Variants in AGAP1 observed in about 807,000 individuals in gnomAD.
AGAP1 encodes ArfGAP with GTPase domain, ankyrin repeat and PH domain 1.
In AGAP1, 29 loss-of-function variants were observed where a neutral mutation model predicts 105.3. That is an observed-to-expected ratio of 0.28 (90% CI 0.21 to 0.38). The LOEUF (loss-of-function observed/expected upper bound fraction) is 0.38, where lower values mean the gene tolerates loss of function less well. Ranked by LOEUF, AGAP1 falls within the 10% of genes least tolerant of loss-of-function variation. AGAP1 has a pLI of 1.00. For synonymous variants in AGAP1, 509 were observed against 485.9 expected, an observed-to-expected ratio of 1.05 and a Z score of -0.63; for missense variants, 998 against 1,165.1, an observed-to-expected ratio of 0.86 and a Z score of 2.09.
rs559033839 is a variant in AGAP1 at position 236,002,262 on chromosome 2, A to G, written c.1645+33639A>G. ...CAGACAAACACAACATGACCCACGC[A>G]CCCAGCCTGAGCCCAGGAGGCTCCT... On this transcript the variant is annotated intron_variant, in intron 13 of 17. Transcript: ENST00000304032. The surrounding 1 kb of genome is among the most constrained non-coding windows in gnomAD (Gnocchi z 4.3). 6.6e-6 allele frequency among the ~76,000 whole-genome samples: 1 copy of G among 152,232 alleles called. No homozygotes were observed. Among genetic ancestry groups the G allele is most frequent in the East Asian group, 1.9e-4 (1 of 5,154 alleles).
In AGAP1 at chr2:235,750,281, G is replaced by A; in HGVS notation, c.539-73G>A. ...GCTGAGTAAGGTACTGGTTTTCCGTGTTGTGGGGAGTGTAGGAAGTATTTA... is the reference window on the plus strand; with the variant it reads ...GCTGAGTAAGGTACTGGTTTTCCGTATTGTGGGGAGTGTAGGAAGTATTTA... On this transcript the variant is annotated intron_variant, in intron 5 of 17. Transcript: ENST00000304032. This position sits in a 1 kb window ranked among gnomAD's most constrained non-coding sequence, Gnocchi z 5.3. 4 of 1,593,756 alleles carry A rather than the reference G, an allele frequency of 2.5e-6. No individual in the cohort carries two copies. Among genetic ancestry groups the A allele is most frequent in the Non-Finnish European group, 8.6e-7 (1 of 1,163,438 alleles).
rs1575981050 is a variant in AGAP1, at chr2:235,988,592, G to A, written c.1645+19969G>A. On this transcript the variant is annotated intron_variant, in intron 13 of 17. Transcript: ENST00000304032. This position sits in a 1 kb window ranked among gnomAD's most constrained non-coding sequence, Gnocchi z 4.7. ...CGTTTCTCCTTGTTTTAGTTCATCT[G>A]CAGAGGTCAGCTTTTTCCATTGTCT... 6.6e-6 allele frequency among the ~76,000 whole-genome samples: 1 copy of A among 152,106 alleles called. No homozygotes were observed. Among genetic ancestry groups the A allele is most frequent in the African/African-American group, 2.4e-5 (1 of 41,424 alleles).
intron 7 of AGAP1, among the ~76,000 whole-genome samples, chr2:235,798,781 A>G (rs1314252057): frequency 6.7e-6 from 1 of 149,366 alleles, no homozygotes; most frequent in Non-Finnish European, 1.5e-5. Flanking sequence ...AGGTGGGGGG[A>G]TCACCTCTGC....
In AGAP1 at chr2:235,976,172, C is replaced by T. The variant is rs2054849749; in HGVS notation, c.1645+7549C>T. On this transcript the variant is annotated intron_variant, in intron 13 of 17. Transcript: ENST00000304032. This position sits in a 1 kb window ranked among gnomAD's most constrained non-coding sequence, Gnocchi z 4.5. ...CTTGGGCTGTCAGTGATGGGAGCCACCATGCATCCCGACGGACTTGCCTCC... is the reference window on the plus strand; with the variant it reads ...CTTGGGCTGTCAGTGATGGGAGCCATCATGCATCCCGACGGACTTGCCTCC... Among the ~76,000 whole-genome samples, 2 of 152,166 alleles carry T rather than the reference C, an allele frequency of 1.3e-5. No homozygotes were observed. The highest frequency in any genetic ancestry group is 4.1e-4 in the South Asian group (2 of 4,824).
chr2:235,862,119 CAG>C (rs1273095834), intron 9 of AGAP1, among the ~76,000 whole-genome samples: 3 of 152,248 alleles, frequency 2.0e-5, no homozygotes, highest in Middle Eastern at 3.4e-3. Context: ...TTAGACCACT[CAG>C]GGGCCCTGCT....
Position 235,787,198 on chromosome 2 carries a change from T to C in AGAP1, c.674-10561T>C, listed in dbSNP as rs1956697665. Among the ~76,000 whole-genome samples, 1 of 152,218 alleles carries C rather than the reference T, an allele frequency of 6.6e-6. No homozygotes were observed. Among genetic ancestry groups the C allele is most frequent in the African/African-American group, 2.4e-5 (1 of 41,462 alleles). ...AAGAGTTGAGCTAGCAGGGGCCGCC[T>C]CTACCCTTGGCTGCTGCTTCCAAAC... is the stretch of plus-strand genomic sequence containing the variant. On this transcript the variant is annotated intron_variant, in intron 6 of 17. Coordinates refer to ENST00000304032, the MANE Select transcript of AGAP1 (RefSeq NM_001037131.3). This position sits in a 1 kb window ranked among gnomAD's most constrained non-coding sequence, Gnocchi z 4.4.
intron 1 of AGAP1, among the ~76,000 whole-genome samples, chr2:235,543,580 C>G (rs921339705): frequency 1.3e-5 from 2 of 152,170 alleles, no homozygotes; most frequent in Non-Finnish European, 2.9e-5. Flanking sequence ...GGGGGTGTTT[C>G]CCCGGCCTCT....
chr2:235,785,282 C>T (rs895524856), intron 6 of AGAP1, among the ~76,000 whole-genome samples: 2 of 152,162 alleles, frequency 1.3e-5, no homozygotes, highest in Non-Finnish European at 2.9e-5. Flanking sequence ...GGAAAGATTA[C>T]AGAAGTTTCT....
Position 236,105,658 on chromosome 2 carries a change from CCA to C in AGAP1, c.2115-14533_2115-14532del, listed in dbSNP as rs2059467838. Reference sequence around the variant, plus strand: ...GCAACCTCCGCCTCCCGGGTTCACACCATTCTCCCGCGTTCACGCCATTCTCC... The same window carrying C: ...GCAACCTCCGCCTCCCGGGTTCACACTTCTCCCGCGTTCACGCCATTCTCC... On this transcript the variant is annotated intron_variant, in intron 16 of 17. Transcript: ENST00000304032. The surrounding 1 kb of genome is among the most constrained non-coding windows in gnomAD (Gnocchi z 4.2). Among the ~76,000 whole-genome samples, 1 of 57,448 alleles carries C rather than the reference CCA, an allele frequency of 1.7e-5. No individual in the cohort carries two copies. The highest frequency in any genetic ancestry group is 4.6e-5 in the Non-Finnish European group (1 of 21,582). The allele number at this position is 57,448 out of a possible 152,430, so 37.7% of individuals were successfully genotyped here. A position where few individuals can be genotyped will look rare whatever the true frequency, so the allele number is the denominator to read the frequency against.
rs1458017930 is a variant in AGAP1 at position 235,963,993 on chromosome 2, G to A, written c.1484-4469G>A. Among the ~76,000 whole-genome samples, 2 of 152,176 alleles carry A rather than the reference G, an allele frequency of 1.3e-5. No homozygotes were observed. The highest frequency in any genetic ancestry group is 2.1e-4 in the South Asian group (1 of 4,820). On this transcript the variant is annotated intron_variant, in intron 12 of 17. Coordinates refer to ENST00000304032, the MANE Select transcript of AGAP1 (RefSeq NM_001037131.3). The surrounding 1 kb of genome is among the most constrained non-coding windows in gnomAD (Gnocchi z 5.1). ...AACGGAAGAGAGTTTATGATATAAT[G>A]CACCTACTGTAGGCTCAGCATTGCA...
chr2:235,679,593 C>G (rs181057907), intron 1 of AGAP1, among the ~76,000 whole-genome samples: 7 of 152,106 alleles, frequency 4.6e-5, no homozygotes, highest in Non-Finnish European at 8.8e-5. Context: ...GGAGGAGTAG[C>G]GATTACTTGG....
intron 1 of AGAP1, among the ~76,000 whole-genome samples, chr2:235,563,254 C>T (rs1340034056): frequency 2.0e-5 from 3 of 152,148 alleles, no homozygotes; most frequent in Non-Finnish European, 2.9e-5. Context: ...CTCGGCGTCC[C>T]CAGCACTTCA....
intron 1 of AGAP1, among the ~76,000 whole-genome samples, chr2:235,534,752 C>A (rs556422329): frequency 6.6e-6 from 1 of 152,226 alleles, no homozygotes; most frequent in East Asian, 1.9e-4. Context: ...GTCTTCAGCA[C>A]GACATGGGGA....
chr2:235,790,771 G>A (rs1956929061), intron 6 of AGAP1, among the ~76,000 whole-genome samples: 1 of 152,148 alleles, frequency 6.6e-6, no homozygotes, highest in Admixed American at 6.5e-5. Flanking sequence ...TGAGTGTCAG[G>A]CAGGCCCTGG....
rs1559258850 is a variant in AGAP1, at chr2:235,573,041, T to TTCTTC, written c.163+78192_163+78193insTCTTC. Among the ~76,000 whole-genome samples the TTCTTC allele has an allele frequency of 1.3e-3, 32 of 24,582 alleles. 3 individuals carry two copies. Among genetic ancestry groups the TTCTTC allele is most frequent in the African/African-American group, 4.8e-3 (27 of 5,654 alleles). 16.1% of individuals were successfully genotyped at this position (24,582 alleles called of 152,430 possible). On this transcript the variant is annotated intron_variant, in intron 1 of 17. Transcript: ENST00000304032. ...TTCTTCTTCTTCTTCTTCTTCTTCTTCTTCTTCTTCTTCTTCTTCTTTCTT... is the reference window on the plus strand; with the variant it reads ...TTCTTCTTCTTCTTCTTCTTCTTCTTTCTTCCTTCTTCTTCTTCTTCTTCTTTCTT...
At position 235,754,762 on chromosome 2, in the gene AGAP1, C is replaced by T. The variant is rs539000185; in HGVS notation, c.673+4274C>T. On this transcript the variant is annotated intron_variant, in intron 6 of 17. Transcript: ENST00000304032. This position sits in a 1 kb window ranked among gnomAD's most constrained non-coding sequence, Gnocchi z 4.6. ...GAGCACCAGCTTCCCACACACTGTG[C>T]GTCTGGTCAGGGGCTAGAGGCAGAT... Among the ~76,000 whole-genome samples, 13 of 152,332 alleles carry T rather than the reference C, an allele frequency of 8.5e-5. No individual in the cohort carries two copies. Among genetic ancestry groups the T allele is most frequent in the African/African-American group, 3.1e-4 (13 of 41,580 alleles).
In AGAP1 at chr2:235,930,904, A is replaced by G; in HGVS notation, c.1464A>G (p.Ala488=). 2 of 1,613,774 alleles carry G rather than the reference A, an allele frequency of 1.2e-6. No individual in the cohort carries two copies. Among genetic ancestry groups the G allele is most frequent in the Non-Finnish European group, 1.7e-6 (2 of 1,179,888 alleles). ...AGTGGAGTGAGGCTACGGTCATTGC[A>G]AACTCGGCCATCAGCAGTGGTAAGA... ...ADQWSEATVI[A]NSAISSDTGL... The change falls in exon 12 of 18, where the codon GCA becomes GCG. Residue 488 remains alanine (A), a synonymous_variant. Coordinates refer to ENST00000304032, the MANE Select transcript of AGAP1 (RefSeq NM_001037131.3). The surrounding 1 kb of genome is among the most constrained non-coding windows in gnomAD (Gnocchi z 7.9).
At chr2:235,519,483 T>C (rs1942534627) in intron 1 of AGAP1, among the ~76,000 whole-genome samples, 1 of 152,212 alleles carries the variant, frequency 6.6e-6, no homozygotes, top group Admixed American at 6.5e-5. Context: ...AATTCATTTC[T>C]CACCTCTCTG....
At position 235,578,517 on chromosome 2, in the gene AGAP1, T is replaced by G. The variant is rs1248420411; in HGVS notation, c.163+83668T>G. On this transcript the variant is annotated intron_variant, in intron 1 of 17. Transcript: ENST00000304032. The surrounding 1 kb of genome is among the most constrained non-coding windows in gnomAD (Gnocchi z 4.9). ...TTAAAAAATTACAGACTGGACGCAGTGGCTTATGCCACCCCAGCACTTTGG... is the reference window on the plus strand; with the variant it reads ...TTAAAAAATTACAGACTGGACGCAGGGGCTTATGCCACCCCAGCACTTTGG... Among the ~76,000 whole-genome samples the G allele has an allele frequency of 1.3e-5, 2 of 152,208 alleles. No individual in the cohort carries two copies. The highest frequency in any genetic ancestry group is 2.4e-5 in the African/African-American group (1 of 41,450).
Sources: gnomAD v4.1 joint callset for allele counts (sites outside exome capture counted in the v4.1 genomes callset) on GRCh38, gnomAD v4.1.1 for gene constraint, Gnocchi (gnomAD v3.1) non-coding constraint, MANE v1.5 for transcripts, NCBI Gene and HGNC (gene_info 2026-07-23, HGNC 2026-07-21) for gene names.